Variants in ADARB1 observed in about 807,000 individuals in gnomAD.
ADARB1 encodes double-stranded RNA-specific editase 1.
A neutral mutation model predicts 52.4 loss-of-function variants in ADARB1; 10 were observed. The ratio of observed to expected loss-of-function variants is 0.19; its 90% confidence interval spans 0.12 to 0.32. The LOEUF is 0.32. Among genes scored for constraint, ADARB1 ranks in the 10% least tolerant of loss-of-function variants. ADARB1 has a pLI of 1.00. For synonymous variants in ADARB1, 349 were observed against 371.1 expected (o/e 0.94, Z 0.68); for missense variants, 643 against 922.3 (o/e 0.70, Z 3.92).
chr21:45,144,052 A>G (rs1001241048), intron 2 of ADARB1, among the ~76,000 whole-genome samples: 3 of 152,226 alleles, frequency 2.0e-5, no homozygotes, highest in Non-Finnish European at 4.4e-5. Context: ...GGTACATAGT[A>G]GATGCTCAGT....
chr21:45,101,305 C>T (rs539311750), intron 1 of ADARB1, among the ~76,000 whole-genome samples: 2 of 152,300 alleles, frequency 1.3e-5, no homozygotes, highest in African/African-American at 2.4e-5. Context: ...GCCGTGTCCC[C>T]GCAGCCCCGC....
intron 1 of ADARB1, among the ~76,000 whole-genome samples, chr21:45,080,279 C>T (rs970644648): frequency 1.3e-5 from 2 of 151,966 alleles, no homozygotes; most frequent in African/African-American, 2.4e-5. Context: ...TAAATGAGAG[C>T]GATGATAGCA....
chr21:45,137,729 G>A (rs1044500244), intron 2 of ADARB1, among the ~76,000 whole-genome samples: 2 of 152,042 alleles, frequency 1.3e-5, no homozygotes, highest in Admixed American at 6.5e-5. Context: ...CTGTGATGAT[G>A]GTGGCACTGT....
At chr21:45,166,774 T>G (rs1373752177) in intron 2 of ADARB1, among the ~76,000 whole-genome samples, 1 of 152,216 alleles carries the variant, frequency 6.6e-6, no homozygotes, top group Admixed American at 6.5e-5. Flanking sequence ...GCAGTCAAGT[T>G]CAATGTTCTT....
chr21:45,213,063 G>A (rs1473332337), intron 9 of ADARB1, among the ~76,000 whole-genome samples: 1 of 152,184 alleles, frequency 6.6e-6, no homozygotes, highest in African/African-American at 2.4e-5. Context: ...ATGAGGGCAG[G>A]GGGATGGTGA....
At chr21:45,153,872 G>A (rs1360386331) in intron 2 of ADARB1, among the ~76,000 whole-genome samples, 1 of 152,158 alleles carries the variant, frequency 6.6e-6, no homozygotes. Flanking sequence ...GCATTGGCCT[G>A]TTTTTGTTTC....
At chr21:45,202,135 G>A (rs1601940890) in intron 8 of ADARB1, among the ~76,000 whole-genome samples, 1 of 152,178 alleles carries the variant, frequency 6.6e-6, no homozygotes, top group East Asian at 1.9e-4. Flanking sequence ...CAGGGGTCAA[G>A]AGGAGAGGGC....
intron 1 of ADARB1, among the ~76,000 whole-genome samples, chr21:45,098,298 G>A (rs1318464758): frequency 6.6e-6 from 1 of 152,168 alleles, no homozygotes; most frequent in African/African-American, 2.4e-5. Context: ...ACTCTCCCAG[G>A]TCTGCTGCAG....
intron 8 of ADARB1, among the ~76,000 whole-genome samples, chr21:45,203,626 A>G (rs1408668476): frequency 1.3e-5 from 2 of 152,184 alleles, no homozygotes; most frequent in South Asian, 2.1e-4. Context: ...ATGAATACCT[A>G]AGTTGCCATT....
chr21:45,171,580 A>C (rs1056889388), intron 2 of ADARB1, 30 bp from the exon 3 acceptor site: 1 of 1,409,218 alleles, frequency 7.1e-7, no homozygotes, highest in Admixed American at 1.7e-5. Context: ...TCATAGGCAC[A>C]CTAAATGCTA....
intron 1 of ADARB1, among the ~76,000 whole-genome samples, chr21:45,101,246 C>T (rs971130908): frequency 2.6e-5 from 4 of 152,154 alleles, no homozygotes; most frequent in African/African-American, 9.7e-5. Context: ...CGTAGCGCTC[C>T]GGAGCTGGCT....
At chr21:45,099,638 C>CA (rs2086915265) in intron 1 of ADARB1, among the ~76,000 whole-genome samples, 1 of 151,540 alleles carries the variant, frequency 6.6e-6, no homozygotes, top group Admixed American at 6.6e-5. Context: ...GACTCTGTCT[C>CA]AAAAAAATAA....
intron 1 of ADARB1, among the ~76,000 whole-genome samples, chr21:45,103,631 C>A (rs938080593): frequency 2.0e-5 from 3 of 151,984 alleles, no homozygotes; most frequent in East Asian, 1.9e-4. Context: ...AGAACTGATT[C>A]TCTGAAGCCC....
At chr21:45,140,450 C>A (rs995859945) in intron 2 of ADARB1, among the ~76,000 whole-genome samples, 5 of 152,174 alleles carry the variant, frequency 3.3e-5, no homozygotes, top group African/African-American at 1.2e-4. Flanking sequence ...GCAGCCCATG[C>A]CTTGTAGCTT....
Position 45,176,346 on chromosome 21 carries a change from C to T in ADARB1, c.645C>T (p.Ala215=), listed in dbSNP as rs539866699. ...DLSLSASPVP[A]SLAQPPLPVL... ...GCTTGTCTGCTTCCCCGGTGCCTGC[C>T]AGCCTAGCCCAGCCTCCTCTCCCTG... Residue 215 remains alanine (A), a synonymous_variant, in exon 4 of 11, where the codon GCC becomes GCT. Coordinates refer to ENST00000348831, the MANE Select transcript of ADARB1 (RefSeq NM_001112.4). The surrounding 1 kb of genome is among the most constrained non-coding windows in gnomAD (Gnocchi z 5.8). The T allele has an allele frequency of 1.4e-5, 23 of 1,613,982 alleles. 1 individual carries two copies. In the South Asian group the frequency reaches 2.3e-4, roughly 16 times the overall value.
intron 1 of ADARB1, 30 bp downstream of exon 1, chr21:45,074,823 G>C (rs995863768): frequency 2.0e-5 from 3 of 147,730 alleles, no homozygotes; most frequent in African/African-American, 7.4e-5. Context: ...GCGGCGGCTC[G>C]GGCGGGCGCG....
chr21:45,096,022 A>T (rs1406497462), intron 1 of ADARB1, among the ~76,000 whole-genome samples: 1 of 152,234 alleles, frequency 6.6e-6, no homozygotes, highest in Non-Finnish European at 1.5e-5. Context: ...GAGATCAGAT[A>T]CAGGCTCTGT....
Position 45,208,629 on chromosome 21 carries a change from T to TGTG in ADARB1, c.1747+3894_1747+3896dup, listed in dbSNP as rs1312158792. The stretch of plus-strand genomic sequence containing the variant: ...AAGTGTGTGTGTGTATGTGTGCGTG[T>TGTG]GTGTGTGTGTGAGTGCATGTGAGTG... On this transcript the variant is annotated intron_variant, in intron 9 of 10. Transcript: ENST00000348831. This position sits in a 1 kb window ranked among gnomAD's most constrained non-coding sequence, Gnocchi z 5.6. Among the ~76,000 whole-genome samples, 2 of 151,844 alleles carry TGTG rather than the reference T, an allele frequency of 1.3e-5. No individual in the cohort carries two copies. Among genetic ancestry groups the TGTG allele is most frequent in the Non-Finnish European group, 2.9e-5 (2 of 67,916 alleles).
At chr21:45,133,998 C>T (rs1489587528) in intron 2 of ADARB1, among the ~76,000 whole-genome samples, 1 of 113,198 alleles carries the variant, frequency 8.8e-6, no homozygotes, top group Non-Finnish European at 1.8e-5. Context: ...CTGGTGTGTG[C>T]GCCCGACGGG....
Sources: gnomAD v4.1 joint callset for allele counts (sites outside exome capture counted in the v4.1 genomes callset) on GRCh38, gnomAD v4.1.1 for gene constraint, Gnocchi (gnomAD v3.1) non-coding constraint, MANE v1.5 for transcripts, NCBI Gene and HGNC (gene_info 2026-07-23, HGNC 2026-07-21) for gene names.